Variants in AUTS2 observed in about 807,000 individuals in gnomAD.
The protein encoded by AUTS2 is activator of transcription and developmental regulator AUTS2, also known as autism susceptibility gene 2 protein.
In AUTS2, 17 loss-of-function variants were observed where a neutral mutation model predicts 112.4. The observed-to-expected ratio is 0.15, with a 90% CI of 0.10 to 0.23. The LOEUF is 0.23. Ranked by LOEUF, AUTS2 falls within the 10% of genes least tolerant of loss-of-function variation. The pLI is 1.00. For missense variants in AUTS2, 1,510 were observed against 1,701.6 expected, an observed-to-expected ratio of 0.89 and a Z score of 1.98; for synonymous variants, 751 against 702.7, an observed-to-expected ratio of 1.07 and a Z score of -1.09.
chr7:70,001,522 C>A (rs1799191777), intron 2 of AUTS2, among the ~76,000 whole-genome samples: 1 of 151,998 alleles, frequency 6.6e-6, no homozygotes, highest in Non-Finnish European at 1.5e-5. Context: ...ATGCAGGATT[C>A]ATGAATTCTA....
chr7:70,081,397 A>T (rs1014769551), intron 2 of AUTS2, among the ~76,000 whole-genome samples: 2 of 150,984 alleles, frequency 1.3e-5, no homozygotes, highest in African/African-American at 4.9e-5. Context: ...TAAAAAAAAA[A>T]AAAAAAAAAA....
intron 1 of AUTS2, among the ~76,000 whole-genome samples, chr7:69,732,200 C>A (rs1786827627): frequency 6.6e-6 from 1 of 151,936 alleles, no homozygotes. Flanking sequence ...TGGTACCTTG[C>A]CTTTAAAGTA....
chr7:70,553,790 G>T (rs1244300443), intron 5 of AUTS2, among the ~76,000 whole-genome samples: 1 of 125,520 alleles, frequency 8.0e-6, no homozygotes, highest in East Asian at 2.5e-4. Flanking sequence ...TTTTTGAGAC[G>T]GAGTCTTGCT....
At chr7:70,481,057 G>A (rs1376505324) in intron 5 of AUTS2, among the ~76,000 whole-genome samples, 1 of 152,188 alleles carries the variant, frequency 6.6e-6, no homozygotes, top group African/African-American at 2.4e-5. Flanking sequence ...ACTGTGAGAG[G>A]CACACCCAGT....
intron 6 of AUTS2, among the ~76,000 whole-genome samples, chr7:70,757,747 C>T (rs1392582971): frequency 1.3e-5 from 2 of 150,798 alleles, no homozygotes; most frequent in African/African-American, 4.9e-5. Context: ...TCACTCCTCC[C>T]AAGCCCCTAA....
rs533330890 is a variant in AUTS2 at position 69,605,622 on chromosome 7, A to G, written c.309+5660A>G. 3.3e-5 allele frequency among the ~76,000 whole-genome samples: 5 copies of G among 152,342 alleles called. No homozygotes were observed. The East Asian group carries it at 5.8e-4, about 18-fold the overall frequency. ...CATTGATGTTAAAACAACGATTTCA[A>G]ATTATCTGCCTTTGGCTTGCTGTAT... On this transcript the variant is annotated intron_variant, in intron 1 of 18. Coordinates refer to ENST00000342771, the MANE Select transcript of AUTS2 (RefSeq NM_015570.4).
intron 2 of AUTS2, among the ~76,000 whole-genome samples, chr7:70,074,156 A>G (rs987041201): frequency 6.6e-6 from 1 of 152,238 alleles, no homozygotes; most frequent in African/African-American, 2.4e-5. Flanking sequence ...AACTGAATGT[A>G]TTATGCATCT....
intron 5 of AUTS2, among the ~76,000 whole-genome samples, chr7:70,463,668 C>T (rs910640674): frequency 2.6e-5 from 4 of 152,224 alleles, no homozygotes; most frequent in African/African-American, 9.6e-5. Flanking sequence ...CAAGTCTTCA[C>T]CCGCTTGCTC....
At chr7:70,298,289 C>T (rs531651487) in intron 4 of AUTS2, among the ~76,000 whole-genome samples, 11 of 152,270 alleles carry the variant, frequency 7.2e-5, no homozygotes, top group Admixed American at 2.6e-4. Flanking sequence ...ACCTCAGCCC[C>T]GCAAAGTGCT....
intron 2 of AUTS2, among the ~76,000 whole-genome samples, chr7:69,955,164 A>G (rs1797167233): frequency 6.6e-6 from 1 of 152,080 alleles, no homozygotes; most frequent in African/African-American, 2.4e-5. Flanking sequence ...TTTTGCTTAT[A>G]TTTTCTGTAG....
intron 4 of AUTS2, among the ~76,000 whole-genome samples, chr7:70,363,414 C>T (rs1028495581): frequency 4.4e-5 from 6 of 137,236 alleles, no homozygotes; most frequent in Non-Finnish European, 8.9e-5. Context: ...TGTAACTAAC[C>T]TGCACAATGT....
chr7:70,308,346 T>TGGAA (rs1789579752), intron 4 of AUTS2, among the ~76,000 whole-genome samples: 1 of 152,212 alleles, frequency 6.6e-6, no homozygotes, highest in Admixed American at 6.6e-5. Flanking sequence ...ACTAGGAAAA[T>TGGAA]GGAAGGAACA....
chr7:70,666,229 G>C (rs543308005), intron 5 of AUTS2, among the ~76,000 whole-genome samples: 1 of 152,320 alleles, frequency 6.6e-6, no homozygotes, highest in South Asian at 2.1e-4. Context: ...AATGATAATG[G>C]CATTATGGTT....
At position 70,306,085 on chromosome 7, in the gene AUTS2, C is replaced by T. The variant is rs536835689; in HGVS notation, c.661-129667C>T. Among the ~76,000 whole-genome samples, 5 of 152,142 alleles carry T rather than the reference C, an allele frequency of 3.3e-5. No homozygotes were observed. The East Asian group carries it at 5.8e-4, about 18-fold the overall frequency. On this transcript the variant is annotated intron_variant, in intron 4 of 18. Transcript: ENST00000342771. The stretch of plus-strand genomic sequence containing the variant: ...GTTTTATTTGGGAATCATAGAATCA[C>T]ATTTGGGGCATGCAAACAGACTGGG...
chr7:70,504,181 A>G (rs935210452), intron 5 of AUTS2, among the ~76,000 whole-genome samples: 1 of 151,848 alleles, frequency 6.6e-6, no homozygotes, highest in African/African-American at 2.4e-5. Flanking sequence ...TTAAAGCTTT[A>G]TAGGCTATTT....
chr7:70,324,742 G>A (rs1243869962), intron 4 of AUTS2, among the ~76,000 whole-genome samples: 1 of 152,240 alleles, frequency 6.6e-6, no homozygotes, highest in Non-Finnish European at 1.5e-5. Flanking sequence ...ACTTTCCTAG[G>A]AAGAGCACTA....
At chr7:70,338,966 C>T (rs1791127483) in intron 4 of AUTS2, among the ~76,000 whole-genome samples, 1 of 151,590 alleles carries the variant, frequency 6.6e-6, no homozygotes, top group Non-Finnish European at 1.5e-5. Flanking sequence ...GGGTTCACGC[C>T]ATTCTCCTGC....
chr7:70,243,230 C>CT (rs1491390255), intron 4 of AUTS2, among the ~76,000 whole-genome samples: 78 of 92,578 alleles, frequency 8.4e-4, no homozygotes, highest in African/African-American at 3.1e-3. Flanking sequence ...AGAATGTATC[C>CT]TTGTGTGTGT....
At chr7:70,408,817 G>T (rs768998338) in intron 4 of AUTS2, among the ~76,000 whole-genome samples, 14 of 152,150 alleles carry the variant, frequency 9.2e-5, no homozygotes, top group Non-Finnish European at 1.8e-4. Context: ...CGCTGCACTG[G>T]TTACATCAGA....
Sources: gnomAD v4.1 joint callset for allele counts (sites outside exome capture counted in the v4.1 genomes callset) on GRCh38, gnomAD v4.1.1 for gene constraint, MANE v1.5 for transcripts, NCBI Gene and HGNC (gene_info 2026-07-23, HGNC 2026-07-21) for gene names.